Variants in NME7 observed in about 807,000 individuals in gnomAD.
NME7 encodes the protein NME/NM23 family member 7.
A neutral mutation model predicts 49.1 loss-of-function variants in NME7; 41 were observed. The ratio of observed to expected loss-of-function variants is 0.83; its 90% CI spans 0.65 to 1.08. The LOEUF is 1.08. NME7 is among the 50% of genes least tolerant of loss of function. The probability of loss-of-function intolerance (pLI) is 0.00; values close to 1 mark genes in which losing one functional copy is unlikely to be tolerated. For missense variants in NME7, 423 were observed against 463.4 expected (o/e 0.91, Z 0.80); for synonymous variants, 139 against 150.6 (o/e 0.92, Z 0.56).
Position 169,367,713 on chromosome 1 carries a change from T to C in NME7, c.-3A>G, listed in dbSNP as rs1427936844. On this transcript the variant is annotated 5_prime_UTR_variant, in exon 1 of 12. Transcript: ENST00000367811. ...TGGCATCCCCTGGCACTCACCATTG[T>C]CTCAGGATCTCAGCACTAGAAAATA... is the stretch of plus-strand genomic sequence containing the variant. 6.2e-7 allele frequency: 1 copy of C among 1,614,100 alleles called. No homozygotes were observed. The highest frequency in any genetic ancestry group is 1.1e-5 in the South Asian group (1 of 91,078).
intron 1 of NME7, among the ~76,000 whole-genome samples, chr1:169,348,035 A>C (rs535785149): frequency 5.1e-4 from 77 of 152,224 alleles, no homozygotes; most frequent in Non-Finnish European, 9.7e-4. Context: ...TAGCATTTTC[A>C]TCATGAGAAA....
In NME7 at chr1:169,230,744, G is replaced by A. The variant is rs138530600; in HGVS notation, c.964C>T (p.Arg322Ter). The A allele has an allele frequency of 4.7e-5, 75 of 1,601,050 alleles. No homozygotes were observed. The highest frequency in any genetic ancestry group is 5.7e-5 in the Non-Finnish European group (67 of 1,174,130). Residue 322 changes from arginine (R) to a stop codon, truncating the protein, a stop_gained, in exon 10 of 12, where the codon CGA (arginine) becomes TGA (stop). Transcript: ENST00000367811. LOFTEE classifies it high-confidence loss of function. ...GGATCAGCAGGTCCACAAAATTCTC[G>A]AAATGTCTTTGTAGCATTATTCTGT... is the stretch of plus-strand genomic sequence containing the variant. ...IQQNNATKTFREFCGPADPEI... is the reference protein window; with the variant it reads ...IQQNNATKTF
rs1316088570 is a variant in NME7, at chr1:169,310,014, T to G, written c.345A>C (p.Lys115Asn). The G allele has an allele frequency of 6.2e-7, 1 of 1,608,314 alleles. No homozygotes were observed. The highest frequency in any genetic ancestry group is 8.5e-7 in the Non-Finnish European group (1 of 1,177,380). Residue 115 changes from lysine to asparagine, a missense_variant, in exon 4 of 12, where the codon AAA becomes AAC. Transcript: ENST00000367811. ...KAGEIIEIIN[K>N]AGFTITKLKM... ...TGAGTTTGGTTATAGTAAATCCAGC[T>G]TTGTTTATTATTTCAATTATTTCTC...
At chr1:169,327,044 G>A (rs555529092) in intron 1 of NME7, among the ~76,000 whole-genome samples, 2 of 152,258 alleles carry the variant, frequency 1.3e-5, no homozygotes, top group Non-Finnish European at 2.9e-5. Context: ...ACTAGCATAA[G>A]GTCACAGAGC....
intron 3 of NME7, among the ~76,000 whole-genome samples, chr1:169,316,536 T>G (rs1261206111): frequency 6.6e-6 from 1 of 152,184 alleles, no homozygotes; most frequent in Non-Finnish European, 1.5e-5. Context: ...GCAGATGTGA[T>G]TAAGATTACA....
intron 8 of NME7, among the ~76,000 whole-genome samples, chr1:169,235,983 C>T (rs1249895107): frequency 6.6e-6 from 1 of 151,816 alleles, no homozygotes; most frequent in African/African-American, 2.4e-5. Context: ...GTTTTATTTT[C>T]CCTCCATTTT....
At chr1:169,221,570 T>C (rs990715785) in intron 10 of NME7, among the ~76,000 whole-genome samples, 1 of 152,148 alleles carries the variant, frequency 6.6e-6, no homozygotes, top group Non-Finnish European at 1.5e-5. Context: ...TATGTTTACA[T>C]ATATTTATAC....
At position 169,367,779 on chromosome 1, in the gene NME7, A is replaced by G; in HGVS notation, c.-69T>C. ...GGAAGACACCACCACCACCACCATCATACGGTTACTCAGGCAACAAAGCCC... is the reference window on the plus strand; with the variant it reads ...GGAAGACACCACCACCACCACCATCGTACGGTTACTCAGGCAACAAAGCCC... On this transcript the variant is annotated 5_prime_UTR_variant, in exon 1 of 12. It removes an upstream start codon present in the reference 5' UTR. Coordinates refer to ENST00000367811, the MANE Select transcript of NME7 (RefSeq NM_013330.5). 4 of 1,600,066 alleles carry G rather than the reference A, an allele frequency of 2.5e-6. No homozygotes were observed. Among genetic ancestry groups the G allele is most frequent in the Non-Finnish European group, 3.4e-6 (4 of 1,167,780 alleles).
At chr1:169,275,826 C>G (rs535011025) in intron 7 of NME7, among the ~76,000 whole-genome samples, 1 of 133,400 alleles carries the variant, frequency 7.5e-6, no homozygotes, top group African/African-American at 2.5e-5. Flanking sequence ...GTGGGTTTGT[C>G]ATAGATAGCT....
intron 10 of NME7, among the ~76,000 whole-genome samples, chr1:169,213,278 G>A (rs959012758): frequency 1.3e-5 from 2 of 151,902 alleles, no homozygotes; most frequent in African/African-American, 4.8e-5. Flanking sequence ...ATTTCTCCTA[G>A]GAACAATAGT....
intron 10 of NME7, among the ~76,000 whole-genome samples, chr1:169,210,216 C>G (rs1015158185): frequency 6.6e-6 from 1 of 152,100 alleles, no homozygotes; most frequent in African/African-American, 2.4e-5. Context: ...CTAGTTTACC[C>G]AAGTCTGTAT....
At chr1:169,140,031 T>C (rs1658543909) in intron 11 of NME7, among the ~76,000 whole-genome samples, 1 of 152,234 alleles carries the variant, frequency 6.6e-6, no homozygotes, top group African/African-American at 2.4e-5. Context: ...CTGTGGTGAC[T>C]GTAGATAATA....
chr1:169,200,832 T>C (rs902207227), intron 10 of NME7, among the ~76,000 whole-genome samples: 13 of 152,214 alleles, frequency 8.5e-5, no homozygotes, highest in African/African-American at 3.1e-4. Context: ...GCCCTGCATG[T>C]GCAGTGTGCA....
chr1:169,342,806 CAT>C (rs71121765), intron 1 of NME7, among the ~76,000 whole-genome samples: 16 of 32,386 alleles, frequency 4.9e-4, no homozygotes, highest in African/African-American at 1.5e-3. Context: ...TATACAAGTA[CAT>C]ATATATATAG....
intron 11 of NME7, among the ~76,000 whole-genome samples, chr1:169,149,306 A>G (rs188737048): frequency 8.5e-5 from 13 of 152,254 alleles, no homozygotes; most frequent in African/African-American, 2.9e-4. Context: ...CTGCCACTGC[A>G]CTCCAGCCTG....
intron 7 of NME7, among the ~76,000 whole-genome samples, chr1:169,277,531 TTTGCTTGGTAGATC>T (rs1649787334): frequency 1.1e-5 from 1 of 89,948 alleles, no homozygotes. Context: ...TTGTTTTCCA[TTTGCTTGGTAGATC>T]TTCCTCCATC....
Position 169,342,912 on chromosome 1 carries a change from TGTATATATATATATACA to T in NME7, c.4-18429_4-18413del, listed in dbSNP as rs1255419309. Among the ~76,000 whole-genome samples the T allele has an allele frequency of 1.4e-4, 11 of 77,910 alleles. 1 individual carries two copies. The highest frequency in any genetic ancestry group is 4.6e-4 in the African/African-American group (11 of 23,752). 51.1% of individuals were successfully genotyped at this position (77,910 alleles called of 152,430 possible). ...CATATATACAAGTACATATATATAG[TGTATATATATATATACA>T]AGTACATATATATACTTGTATTAGT... On this transcript the variant is annotated intron_variant, in intron 1 of 11. Coordinates refer to ENST00000367811, the MANE Select transcript of NME7 (RefSeq NM_013330.5).
chr1:169,147,357 T>C (rs1658785921), intron 11 of NME7, among the ~76,000 whole-genome samples: 1 of 152,208 alleles, frequency 6.6e-6, no homozygotes, highest in Non-Finnish European at 1.5e-5. Flanking sequence ...ATAATACTTG[T>C]TACATTTAAG....
intron 1 of NME7, among the ~76,000 whole-genome samples, chr1:169,361,475 T>C (rs1361212043): frequency 2.0e-5 from 3 of 152,202 alleles, no homozygotes; most frequent in Non-Finnish European, 2.9e-5. Flanking sequence ...AAAGGAATTC[T>C]GGATGACTAA....
Sources: gnomAD v4.1 joint callset for allele counts (sites outside exome capture counted in the v4.1 genomes callset) on GRCh38, gnomAD v4.1.1 for gene constraint, MANE v1.5 for transcripts, NCBI Gene and HGNC (gene_info 2026-07-23, HGNC 2026-07-21) for gene names.